The following ARHGAP10 variants were observed in gnomAD, a reference collection of about 807,000 sequenced individuals.
ARHGAP10 encodes Rho GTPase activating protein 10, also known as rho GTPase-activating protein 10.
Under a neutral mutation model 108.6 loss-of-function variants are expected in ARHGAP10, and 87 were observed. That is an observed-to-expected ratio of 0.80 (90% confidence interval 0.67 to 0.96). The LOEUF is 0.96. Among genes scored for constraint, ARHGAP10 ranks in the 40% least tolerant of loss-of-function variants. The probability of loss-of-function intolerance (pLI) is 0.00; values close to 1 mark genes in which losing one functional copy is unlikely to be tolerated. For missense variants in ARHGAP10, 939 were observed against 954.5 expected (o/e 0.98, Z 0.21); for synonymous variants, 347 against 341.1 (o/e 1.02, Z -0.19).
intron 16 of ARHGAP10, among the ~76,000 whole-genome samples, chr4:147,963,201 A>G (rs1447496198): frequency 6.6e-6 from 1 of 152,132 alleles, no homozygotes; most frequent in African/African-American, 2.4e-5. Flanking sequence ...CTTTCTATCT[A>G]TACCCTCGAA....
chr4:147,847,227 G>A lies in ARHGAP10; in HGVS notation c.384+5G>A, dbSNP rs1579111414. 1 of 1,608,436 alleles carries A rather than the reference G, an allele frequency of 6.2e-7. No individual in the cohort carries two copies. Among genetic ancestry groups the A allele is most frequent in the East Asian group, 2.2e-5 (1 of 44,838 alleles). On this transcript the variant is annotated splice_donor_5th_base_variant and intron_variant, in intron 4 of 22. Coordinates refer to ENST00000336498, the MANE Select transcript of ARHGAP10 (RefSeq NM_024605.4). ...GAGCAACTTGGAGCTGTAAAGGTTT[G>A]TGTCTAATTTGAATACACTCAGAAA... is the stretch of plus-strand genomic sequence containing the variant.
At chr4:147,821,112 G>A (rs1383048205) in intron 1 of ARHGAP10, among the ~76,000 whole-genome samples, 1 of 152,166 alleles carries the variant, frequency 6.6e-6, no homozygotes, top group Non-Finnish European at 1.5e-5. Flanking sequence ...GGGCCACTGA[G>A]CCAGGAGTCA....
intron 1 of ARHGAP10, among the ~76,000 whole-genome samples, chr4:147,804,071 G>A (rs1731685522): frequency 6.6e-6 from 1 of 151,700 alleles, no homozygotes; most frequent in Non-Finnish European, 1.5e-5. Flanking sequence ...TGTCACGGGG[G>A]TTTGGTGTAC....
At chr4:147,741,232 T>A (rs4835450) in intron 1 of ARHGAP10, among the ~76,000 whole-genome samples, 152,085 of 152,320 alleles carry the variant, frequency 1, 75,926 homozygotes, top group East Asian at 1. Flanking sequence ...TATTGAAATT[T>A]GTTTTATAAA....
At chr4:148,001,822 A>G (rs1168844516) in intron 18 of ARHGAP10, among the ~76,000 whole-genome samples, 3 of 152,176 alleles carry the variant, frequency 2.0e-5, no homozygotes, top group African/African-American at 4.8e-5. Context: ...GGCTGAGATG[A>G]TGGGGTTTTC....
intron 15 of ARHGAP10, among the ~76,000 whole-genome samples, chr4:147,951,942 C>T (rs1357528442): frequency 6.6e-6 from 1 of 152,172 alleles, no homozygotes; most frequent in East Asian, 1.9e-4. Context: ...AAATCTCTCT[C>T]ACACCCTACG....
chr4:148,046,891 G>C lies in ARHGAP10; in HGVS notation c.1868-1G>C, dbSNP rs760809024. 5 of 1,605,102 alleles carry C rather than the reference G, an allele frequency of 3.1e-6. No individual in the cohort carries two copies. The African/African-American group carries it at 6.7e-5, about 22-fold the overall frequency. ...ATATTCAATGCTTTTTTTCCTCCTAGGTGACAATCCTTACCCTTCCAAGGA... is the reference window on the plus strand; with the variant it reads ...ATATTCAATGCTTTTTTTCCTCCTACGTGACAATCCTTACCCTTCCAAGGA... On this transcript the variant is annotated splice_acceptor_variant, in intron 19 of 22. Coordinates refer to ENST00000336498, the MANE Select transcript of ARHGAP10 (RefSeq NM_024605.4). LOFTEE classifies it high-confidence loss of function.
At chr4:147,850,942 A>T (rs1221221342) in intron 4 of ARHGAP10, among the ~76,000 whole-genome samples, 9 of 152,212 alleles carry the variant, frequency 5.9e-5, no homozygotes, top group Non-Finnish European at 1.5e-5. Context: ...GTTGAACAAA[A>T]ACTCTGAGAA....
At chr4:148,056,152 T>C (rs1729355873) in intron 20 of ARHGAP10, among the ~76,000 whole-genome samples, 1 of 152,232 alleles carries the variant, frequency 6.6e-6, no homozygotes, top group Non-Finnish European at 1.5e-5. Context: ...CTCTGGCCCT[T>C]TACAGAATAA....
intron 16 of ARHGAP10, among the ~76,000 whole-genome samples, chr4:147,962,010 C>G (rs1210114727): frequency 6.6e-6 from 1 of 152,210 alleles, no homozygotes; most frequent in Non-Finnish European, 1.5e-5. Flanking sequence ...GCAGCTTTGT[C>G]CATGAGCTAG....
At chr4:147,835,918 T>A (rs1733152855) in intron 3 of ARHGAP10, among the ~76,000 whole-genome samples, 1 of 152,238 alleles carries the variant, frequency 6.6e-6, no homozygotes, top group Admixed American at 6.5e-5. Context: ...TTACTGTCCC[T>A]TATGCACAGA....
chr4:147,835,744 G>C (rs1733145690), intron 3 of ARHGAP10, among the ~76,000 whole-genome samples: 1 of 152,162 alleles, frequency 6.6e-6, no homozygotes, highest in Non-Finnish European at 1.5e-5. Flanking sequence ...CTGTGCCACT[G>C]AGTCATACCA....
intron 18 of ARHGAP10, among the ~76,000 whole-genome samples, chr4:147,996,158 C>T (rs79395321): frequency 0.016 from 2,499 of 152,300 alleles, 50 homozygotes; most frequent in South Asian, 0.077. Flanking sequence ...CACAAAGGTA[C>T]AGTCTCCTCC....
chr4:147,760,007 C>T (rs1729530571), intron 1 of ARHGAP10, among the ~76,000 whole-genome samples: 1 of 152,218 alleles, frequency 6.6e-6, no homozygotes, highest in African/African-American at 2.4e-5. Context: ...GCCTCAGCCT[C>T]CCAAAGTGCT....
intron 19 of ARHGAP10, among the ~76,000 whole-genome samples, chr4:148,033,904 C>T (rs114624783): frequency 0.013 from 1,944 of 152,200 alleles, 43 homozygotes; most frequent in African/African-American, 0.044. Flanking sequence ...TACGTTGTCC[C>T]GGCGTTTTGG....
chr4:147,967,152 TCTCA>T (rs1394526695), intron 18 of ARHGAP10, among the ~76,000 whole-genome samples: 1 of 152,252 alleles, frequency 6.6e-6, no homozygotes, highest in Non-Finnish European at 1.5e-5. Context: ...TCTTTGGATT[TCTCA>T]CTCAAATTCT....
At chr4:147,779,290 C>T (rs949258214) in intron 1 of ARHGAP10, among the ~76,000 whole-genome samples, 4 of 152,146 alleles carry the variant, frequency 2.6e-5, no homozygotes. Context: ...AGGGACCACT[C>T]TTGGCAGGTG....
chr4:147,759,891 GGA>G (rs1729524918), intron 1 of ARHGAP10, among the ~76,000 whole-genome samples: 2 of 152,126 alleles, frequency 1.3e-5, no homozygotes, highest in Non-Finnish European at 2.9e-5. Context: ...GGGGATTACA[GGA>G]GCCTGCCACC....
Position 147,937,838 on chromosome 4 carries a change from G to A in ARHGAP10, c.1229-1987G>A, listed in dbSNP as rs548811507. Among the ~76,000 whole-genome samples the A allele has an allele frequency of 1.1e-4, 17 of 152,320 alleles. No individual in the cohort carries two copies. In the South Asian group the frequency reaches 1.2e-3, roughly 11 times the overall value. On this transcript the variant is annotated intron_variant, in intron 13 of 22. Transcript: ENST00000336498. ...CTACTAAAAATACAAAATTAGCTGG[G>A]TGTGGTGGCATATGCCTGTAATCCC... is the stretch of plus-strand genomic sequence containing the variant.
Sources: gnomAD v4.1 joint callset for allele counts (sites outside exome capture counted in the v4.1 genomes callset) on GRCh38, gnomAD v4.1.1 for gene constraint, MANE v1.5 for transcripts, NCBI Gene and HGNC (gene_info 2026-07-23, HGNC 2026-07-21) for gene names.